NAAA: variants seen among roughly 807,000 people sequenced by gnomAD.
NAAA encodes the protein N-acylethanolamine acid amidase, also known as N-acylethanolamine-hydrolyzing acid amidase.
NAAA carries 39 observed loss-of-function variants against 44.8 expected under a neutral mutation model. The ratio of observed to expected loss-of-function variants is 0.87; its 90% CI spans 0.67 to 1.14. The LOEUF (loss-of-function observed/expected upper bound fraction) is 1.14, where lower values mean the gene tolerates loss of function less well. Ranked by LOEUF, NAAA falls within the 50% of genes most tolerant of loss-of-function variation. The pLI is 0.00. For synonymous variants in NAAA, 178 were observed against 191.3 expected, an observed-to-expected ratio of 0.93 and a Z score of 0.58; for missense variants, 460 against 467.8, an observed-to-expected ratio of 0.98 and a Z score of 0.15.
chr4:75,922,727 T>C (rs569736458), intron 5 of NAAA, among the ~76,000 whole-genome samples: 2 of 152,368 alleles, frequency 1.3e-5, no homozygotes, highest in East Asian at 3.9e-4. Flanking sequence ...ATCTGCCTTT[T>C]GTGAGTTGAC....
At chr4:75,912,751 G>T (rs966167185), downstream of NAAA, among the ~76,000 whole-genome samples, 1 of 151,514 alleles carries the variant, frequency 6.6e-6, no homozygotes, top group Admixed American at 6.6e-5. Context: ...TCCAGTTTGG[G>T]TGGTGGAACA....
At chr4:75,932,475 A>G (rs1376938470) in intron 3 of NAAA, among the ~76,000 whole-genome samples, 1 of 152,136 alleles carries the variant, frequency 6.6e-6, no homozygotes, top group Non-Finnish European at 1.5e-5. Flanking sequence ...AGTGATTGCA[A>G]GATACCACTA....
chr4:75,934,878 C>G (rs1727573488), intron 3 of NAAA: 2 of 152,124 alleles, frequency 1.3e-5, no homozygotes, highest in Non-Finnish European at 2.9e-5. Flanking sequence ...GAAGCAACAA[C>G]TATTAGAGTG....
intron 5 of NAAA, among the ~76,000 whole-genome samples, 157 bp downstream of exon 5, chr4:75,925,578 T>C (rs1726599662): frequency 6.6e-6 from 1 of 152,224 alleles, no homozygotes; most frequent in South Asian, 2.1e-4. Flanking sequence ...GCTTTATCTT[T>C]GACATTTATC....
chr4:75,938,431 G>A (rs1412217800), intron 2 of NAAA, among the ~76,000 whole-genome samples: 1 of 152,196 alleles, frequency 6.6e-6, no homozygotes, highest in Non-Finnish European at 1.5e-5. Context: ...ATAGGAAAAA[G>A]TTGGAGGTAG....
At chr4:75,931,387 G>C in intron 3 of NAAA, 83 bp from the exon 4 acceptor site, 1 of 1,046,586 alleles carries the variant, frequency 9.6e-7, no homozygotes, top group Non-Finnish European at 1.4e-6. Flanking sequence ...CAATTTTCTG[G>C]ATTTTTTTTC....
At chr4:75,933,459 TGTAATTATATGGAAAATAAAAA>T (rs1426371415) in intron 3 of NAAA, among the ~76,000 whole-genome samples, 4 of 152,126 alleles carry the variant, frequency 2.6e-5, no homozygotes, top group African/African-American at 9.7e-5. Context: ...ACTACTCAAA[TGTAATTATATGGAAAATAAAAA>T]GTAATTATAT....
At chr4:75,933,372 A>C (rs1429018610) in intron 3 of NAAA, among the ~76,000 whole-genome samples, 5 of 152,128 alleles carry the variant, frequency 3.3e-5, no homozygotes, top group African/African-American at 1.2e-4. Context: ...AAATGACCTC[A>C]GCCCTCAGAC....
At chr4:75,918,143 C>G (rs1377524764) in intron 9 of NAAA, among the ~76,000 whole-genome samples, 1 of 152,118 alleles carries the variant, frequency 6.6e-6, no homozygotes, top group Non-Finnish European at 1.5e-5. Flanking sequence ...CTATGGAAGG[C>G]CAAGTTTGAA....
intron 4 of NAAA, among the ~76,000 whole-genome samples, chr4:75,930,295 C>T (rs1727113541): frequency 6.6e-6 from 1 of 152,094 alleles, no homozygotes; most frequent in African/African-American, 2.4e-5. Flanking sequence ...ATGGTGTTCC[C>T]CTGAGATCTG....
intron 4 of NAAA, among the ~76,000 whole-genome samples, chr4:75,927,434 G>A (rs1286720771): frequency 6.6e-6 from 1 of 151,590 alleles, no homozygotes; most frequent in Non-Finnish European, 1.5e-5. Context: ...AATAGAGTAA[G>A]ACTCTGTCTT....
rs765625394 is a variant in NAAA at position 75,919,951 on chromosome 4, A to T, written c.927T>A (p.Asn309Lys). The change falls in exon 8 of 11, where the codon AAT (asparagine) becomes AAA (lysine). Residue 309 changes from asparagine to lysine, a missense_variant. By Grantham distance (94) the Asn-to-Lys change is moderately conservative. Coordinates refer to ENST00000286733, the MANE Select transcript of NAAA (RefSeq NM_014435.4). The part of the protein sequence containing the change: ...DRRTSAIKAL[N>K]ATGQANLSLE... The stretch of plus-strand genomic sequence containing the variant: ...GGCTGAGGTTTGCTTGTCCTGTAGC[A>T]TTAAGGGCCTTGATGGCAGATGTTC... 4 of 1,614,134 alleles carry T rather than the reference A, an allele frequency of 2.5e-6. No individual in the cohort carries two copies. The highest frequency in any genetic ancestry group is 3.4e-6 in the Non-Finnish European group (4 of 1,179,988).
downstream of NAAA, among the ~76,000 whole-genome samples, chr4:75,912,424 C>T (rs1725363315): frequency 6.6e-6 from 1 of 152,026 alleles, no homozygotes; most frequent in Admixed American, 6.6e-5. Flanking sequence ...CATGGTGGCA[C>T]ACGCCTGTAA....
At position 75,939,933 on chromosome 4, in the gene NAAA, C is replaced by T. The variant is rs573335039; in HGVS notation, c.371+68G>A. ...TTTTATCACACGGAAAATATGTCTC[C>T]TCCCGCTAGTCTGTGTCGGGGGCCC... On this transcript the variant is annotated intron_variant, in intron 2 of 10. Transcript: ENST00000286733. The T allele has an allele frequency of 3.2e-6, 5 of 1,567,956 alleles. No homozygotes were observed. The South Asian group carries it at 4.5e-5, about 14-fold the overall frequency.
At chr4:75,940,371 A>G in intron 1 of NAAA, 1 of 591,286 alleles carries the variant, frequency 1.7e-6, no homozygotes, top group Non-Finnish European at 2.9e-6. Context: ...GCGGCGGGTA[A>G]GAAAACTCCG....
Position 75,913,871 on chromosome 4 carries a change from C to T in NAAA, c.*504G>A. The stretch of plus-strand genomic sequence containing the variant: ...CTCCCATTACATGGAAACACATGAT[C>T]AAAGATCAGACTAACACACATTCAA... On this transcript the variant is annotated 3_prime_UTR_variant, in exon 11 of 11. Coordinates refer to ENST00000286733, the MANE Select transcript of NAAA (RefSeq NM_014435.4). The T allele has an allele frequency of 1.0e-6, 1 of 985,250 alleles. No individual in the cohort carries two copies. Among genetic ancestry groups the T allele is most frequent in the South Asian group, 4.7e-5 (1 of 21,270 alleles). 61.0% of individuals were successfully genotyped at this position (985,250 alleles called of 1,614,324 possible).
At chr4:75,940,567 A>T (rs1360916577) in intron 1 of NAAA, among the ~76,000 whole-genome samples, 177 bp downstream of exon 1, 1 of 152,224 alleles carries the variant, frequency 6.6e-6, no homozygotes, top group Non-Finnish European at 1.5e-5. Context: ...TGAAAGCCGA[A>T]CCTGCCGCGC....
chr4:75,913,898 C>A lies in NAAA; in HGVS notation c.*477G>T. On this transcript the variant is annotated 3_prime_UTR_variant, in exon 11 of 11. Coordinates refer to ENST00000286733, the MANE Select transcript of NAAA (RefSeq NM_014435.4). ...AAGATCAGACTAACACACATTCAAA[C>A]AGGCTTGGTTCGAAATAGAGTTCTC... 2 of 985,396 alleles carry A rather than the reference C, an allele frequency of 2.0e-6. No individual in the cohort carries two copies. Among genetic ancestry groups the A allele is most frequent in the South Asian group, 9.4e-5 (2 of 21,288 alleles). 61.0% of individuals were successfully genotyped at this position (985,396 alleles called of 1,614,324 possible). A position where few individuals can be genotyped will look rare whatever the true frequency, so the allele number is the denominator to read the frequency against.
chr4:75,925,749 A>C lies in NAAA; in HGVS notation c.652T>G (p.Trp218Gly). 1.2e-6 allele frequency: 2 copies of C among 1,614,240 alleles called. No individual in the cohort carries two copies. The highest frequency in any genetic ancestry group is 1.3e-5 in the African/African-American group (1 of 75,064). Residue 218 changes from tryptophan (W) to glycine (G), a missense_variant, in exon 5 of 11, where the codon TGG (tryptophan) becomes GGG (glycine). By Grantham distance (184) the Trp-to-Gly change is radical (BLOSUM62 -2). Coordinates refer to ENST00000286733, the MANE Select transcript of NAAA (RefSeq NM_014435.4). Reference sequence around the variant, plus strand: ...AATATACTCACAGCGCGGATCAGCCAGCTGACGGGAATGTGTCTCCGAAAC... The same window carrying C: ...AATATACTCACAGCGCGGATCAGCCCGCTGACGGGAATGTGTCTCCGAAAC... ...ALFRRHIPVS[W>G]LIRATLSESE...
Sources: gnomAD v4.1 joint callset for allele counts (sites outside exome capture counted in the v4.1 genomes callset) on GRCh38, gnomAD v4.1.1 for gene constraint, MANE v1.5 for transcripts, NCBI Gene and HGNC (gene_info 2026-07-23, HGNC 2026-07-21) for gene names.